BICD1: variants seen among roughly 807,000 people sequenced by gnomAD.
BICD1 encodes protein bicaudal D homolog 1.
BICD1 carries 35 observed loss-of-function variants against 92.5 expected under a neutral mutation model. The ratio of observed to expected loss-of-function variants is 0.38; its 90% CI spans 0.29 to 0.50. The LOEUF is 0.50. Ranked by LOEUF, BICD1 falls within the 20% of genes least tolerant of loss-of-function variation. The pLI is 0.93. For synonymous variants in BICD1, 429 were observed against 465.1 expected (o/e 0.92, Z 1.00); for missense variants, 950 against 1,189.8 (o/e 0.80, Z 2.97).
At chr12:32,253,026 G>T (rs1946608494) in intron 2 of BICD1, among the ~76,000 whole-genome samples, 1 of 151,952 alleles carries the variant, frequency 6.6e-6, no homozygotes, top group African/African-American at 2.4e-5. Context: ...GGGACTACAG[G>T]TGCACACCAC....
chr12:32,149,759 T>G (rs146542818), intron 1 of BICD1, among the ~76,000 whole-genome samples: 1 of 152,310 alleles, frequency 6.6e-6, no homozygotes. Flanking sequence ...GGGAGCTTGC[T>G]GTCTGCTTCA....
At chr12:32,178,197 C>G (rs1013891217) in intron 1 of BICD1, among the ~76,000 whole-genome samples, 2 of 151,846 alleles carry the variant, frequency 1.3e-5, no homozygotes, top group African/African-American at 4.8e-5. Context: ...AGGGATCCCT[C>G]AAGATTCTAT....
In BICD1 at chr12:32,328,648, G is replaced by A; in HGVS notation, c.2100+93G>A. On this transcript the variant is annotated intron_variant, in intron 5 of 9. Coordinates refer to ENST00000652176, the MANE Select transcript of BICD1 (RefSeq NM_001714.4). The surrounding 1 kb of genome is among the most constrained non-coding windows in gnomAD (Gnocchi z 4.4). ...ATTGAGTATCGAGTATCGTCAAGAT[G>A]AGAGTTCAGATTCTTGGTAAGTGGA... 1 of 1,472,626 alleles carries A rather than the reference G, an allele frequency of 6.8e-7. No homozygotes were observed. The allele number at this position is 1,472,626 out of a possible 1,614,324, so 91.2% of individuals were successfully genotyped here. A position where few individuals can be genotyped will look rare whatever the true frequency, so the allele number is the denominator to read the frequency against.
chr12:32,290,628 T>TA (rs1298677116), intron 2 of BICD1, among the ~76,000 whole-genome samples: 5 of 152,196 alleles, frequency 3.3e-5, no homozygotes, highest in African/African-American at 1.2e-4. Context: ...CTCCCAACCC[T>TA]AGATATCTAA....
intron 2 of BICD1, among the ~76,000 whole-genome samples, chr12:32,283,491 G>T (rs708225): frequency 6.6e-6 from 1 of 151,772 alleles, no homozygotes; most frequent in Non-Finnish European, 1.5e-5. Context: ...AGAGAAGGCA[G>T]AGAGTTAGGT....
intron 1 of BICD1, among the ~76,000 whole-genome samples, chr12:32,196,813 G>C (rs1362420679): frequency 6.6e-6 from 1 of 152,110 alleles, no homozygotes; most frequent in Admixed American, 6.5e-5. Context: ...GGGTGGTGAT[G>C]GATATGTTAG....
intron 1 of BICD1, among the ~76,000 whole-genome samples, chr12:32,148,995 G>C (rs1359190371): frequency 3.4e-5 from 5 of 147,320 alleles, no homozygotes; most frequent in Non-Finnish European, 7.4e-5. Flanking sequence ...ACTCCACCCT[G>C]GGTGACGAAG....
At chr12:32,220,381 T>A (rs1945479925) in intron 2 of BICD1, among the ~76,000 whole-genome samples, 3 of 151,990 alleles carry the variant, frequency 2.0e-5, no homozygotes. Context: ...TGCAATGAAC[T>A]CAAACAAATT....
intron 2 of BICD1, among the ~76,000 whole-genome samples, chr12:32,238,803 G>A (rs187443369): frequency 6.6e-5 from 10 of 151,732 alleles, no homozygotes; most frequent in East Asian, 3.9e-4. Flanking sequence ...AAAATTAGCC[G>A]GGCATGGTGG....
At chr12:32,286,071 CT>C (rs1947556556) in intron 2 of BICD1, among the ~76,000 whole-genome samples, 1 of 152,206 alleles carries the variant, frequency 6.6e-6, no homozygotes, top group South Asian at 2.1e-4. Flanking sequence ...AGCCCAAGCT[CT>C]TCCTTGTCCT....
chr12:32,265,098 G>A (rs1259379378), intron 2 of BICD1, among the ~76,000 whole-genome samples: 2 of 151,838 alleles, frequency 1.3e-5, no homozygotes, highest in Admixed American at 6.6e-5. Context: ...CGAGGCCTCT[G>A]GGGTCTCTGG....
chr12:32,128,807 T>C (rs1942433954), intron 1 of BICD1, among the ~76,000 whole-genome samples: 1 of 152,198 alleles, frequency 6.6e-6, no homozygotes, highest in South Asian at 2.1e-4. Context: ...GGGTATTGTT[T>C]TGTTGCGCAG....
chr12:32,325,350 C>A (rs916308481), intron 4 of BICD1, among the ~76,000 whole-genome samples: 1 of 152,164 alleles, frequency 6.6e-6, no homozygotes, highest in Non-Finnish European at 1.5e-5. Flanking sequence ...GAAGTGGTGT[C>A]ATTGGCCGTT....
At chr12:32,218,264 G>A (rs1458449789) in intron 2 of BICD1, among the ~76,000 whole-genome samples, 3 of 152,182 alleles carry the variant, frequency 2.0e-5, no homozygotes, top group Non-Finnish European at 4.4e-5. Flanking sequence ...AGGAATGAAT[G>A]GAGGCAGCAA....
At chr12:32,351,363 G>A (rs775650463) in intron 8 of BICD1, among the ~76,000 whole-genome samples, 75 of 151,370 alleles carry the variant, frequency 5.0e-4, no homozygotes, top group Middle Eastern at 3.4e-3. Flanking sequence ...GCGCACGCCT[G>A]TAATTTCAGC....
intron 2 of BICD1, among the ~76,000 whole-genome samples, chr12:32,236,604 C>T (rs7970958): frequency 0.12 from 18,259 of 152,024 alleles, 1,778 homozygotes; most frequent in African/African-American, 0.27. Context: ...GCACATCTCT[C>T]ACTTTAAATC....
chr12:32,304,470 C>T (rs1948157044), intron 3 of BICD1, among the ~76,000 whole-genome samples: 2 of 152,094 alleles, frequency 1.3e-5, no homozygotes, highest in Non-Finnish European at 2.9e-5. Flanking sequence ...GTTTTAAACA[C>T]CATGAAGGAA....
Position 32,295,658 on chromosome 12 carries a change from T to TC in BICD1, c.579+1512_579+1513insC, listed in dbSNP as rs1164330957. On this transcript the variant is annotated intron_variant, in intron 3 of 9. Transcript: ENST00000652176. The stretch of plus-strand genomic sequence containing the variant: ...GTGGCACAATTAAAATTTGATTTCT[T>TC]TTTTTTTTTTTTTGCGACAGAGTCT... 4.1e-5 allele frequency among the ~76,000 whole-genome samples: 6 copies of TC among 146,196 alleles called. No homozygotes were observed. In the East Asian group the frequency reaches 1.2e-3, roughly 29 times the overall value.
chr12:32,267,539 A>T (rs1210722566), intron 2 of BICD1, among the ~76,000 whole-genome samples: 2 of 152,172 alleles, frequency 1.3e-5, no homozygotes, highest in African/African-American at 4.8e-5. Context: ...TGGTCTTTTC[A>T]TTTACTTTAT....
Sources: gnomAD v4.1 joint callset for allele counts (sites outside exome capture counted in the v4.1 genomes callset) on GRCh38, gnomAD v4.1.1 for gene constraint, Gnocchi (gnomAD v3.1) non-coding constraint, MANE v1.5 for transcripts, NCBI Gene and HGNC (gene_info 2026-07-23, HGNC 2026-07-21) for gene names.